The following MAP4K5 variants were observed in gnomAD, a reference collection of about 807,000 sequenced individuals.
The protein encoded by MAP4K5 is MAPK/ERK kinase kinase kinase 5.
A neutral mutation model predicts 135.6 loss-of-function variants in MAP4K5; 82 were observed. The observed-to-expected ratio is 0.60, with a 90% confidence interval of 0.51 to 0.73. The LOEUF (loss-of-function observed/expected upper bound fraction) is 0.73, where lower values mean the gene tolerates loss of function less well. MAP4K5 is among the 30% of genes least tolerant of loss of function. MAP4K5 has a pLI of 0.00. For synonymous variants in MAP4K5, 347 were observed against 335.0 expected (o/e 1.04, Z -0.39); for missense variants, 907 against 1,010.9 (o/e 0.90, Z 1.39).
At chr14:50,531,227 G>GT (rs1299407094) in intron 2 of MAP4K5, among the ~76,000 whole-genome samples, 1 of 152,182 alleles carries the variant, frequency 6.6e-6, no homozygotes. Context: ...TAAATTAGGT[G>GT]TAACTTACTC....
At chr14:50,433,826 C>T (rs941236712) in intron 28 of MAP4K5, among the ~76,000 whole-genome samples, 3 of 152,206 alleles carry the variant, frequency 2.0e-5, no homozygotes, top group Non-Finnish European at 2.9e-5. Flanking sequence ...GGCCCCACCT[C>T]ACCCACTTCA....
chr14:50,476,318 A>AT lies in MAP4K5; in HGVS notation c.379-13_379-12insA. On this transcript the variant is annotated splice_polypyrimidine_tract_variant and intron_variant, in intron 6 of 32. Transcript: ENST00000682126. ...AAATAGGCAAGACCCTAAAAGTTTA[A>AT]AAAAAAAAAAAAAGAATGTATCAGC... 1 of 992,468 alleles carries AT rather than the reference A, an allele frequency of 1.0e-6. No individual in the cohort carries two copies. Among genetic ancestry groups the AT allele is most frequent in the Non-Finnish European group, 1.3e-6 (1 of 750,222 alleles). 61.5% of individuals were successfully genotyped at this position (992,468 alleles called of 1,614,324 possible).
At chr14:50,438,701 C>G (rs746812377) in intron 23 of MAP4K5, among the ~76,000 whole-genome samples, 5 of 152,096 alleles carry the variant, frequency 3.3e-5, no homozygotes, top group Non-Finnish European at 7.4e-5. Flanking sequence ...TATACACACA[C>G]ATATACACAG....
intron 1 of MAP4K5, among the ~76,000 whole-genome samples, chr14:50,546,458 A>G (rs1462752296): frequency 6.6e-6 from 1 of 152,146 alleles, no homozygotes; most frequent in Non-Finnish European, 1.5e-5. Context: ...CTGACATGCT[A>G]CCAACTTGGC....
At chr14:50,516,266 C>T (rs928092556) in intron 2 of MAP4K5, among the ~76,000 whole-genome samples, 11 of 152,160 alleles carry the variant, frequency 7.2e-5, no homozygotes, top group Non-Finnish European at 4.4e-5. Context: ...GACAGTGGTC[C>T]CATTTACTGA....
intron 3 of MAP4K5, among the ~76,000 whole-genome samples, chr14:50,487,372 TATA>T (rs34487961): frequency 0.67 from 101,661 of 151,758 alleles, 35,935 homozygotes; most frequent in Middle Eastern, 0.81. Context: ...CACATTTATT[TATA>T]ATCATTGGAA....
intron 13 of MAP4K5, 92 bp from the exon 14 acceptor site, chr14:50,456,686 ATATC>A (rs1232215618): frequency 1.4e-6 from 1 of 740,104 alleles, no homozygotes. Flanking sequence ...ATAAATATGA[ATATC>A]TACTAGTAAA....
At chr14:50,513,721 A>G (rs2140057918) in intron 2 of MAP4K5, among the ~76,000 whole-genome samples, 1 of 152,322 alleles carries the variant, frequency 6.6e-6, no homozygotes, top group South Asian at 2.1e-4. Flanking sequence ...TACCCCAGAC[A>G]ACTTTCTCCC....
At chr14:50,481,477 A>G (rs1000396111) in intron 6 of MAP4K5, among the ~76,000 whole-genome samples, 2 of 152,070 alleles carry the variant, frequency 1.3e-5, no homozygotes, top group Non-Finnish European at 2.9e-5. Context: ...ATAGAGTATC[A>G]ATTTCTTTCT....
intron 22 of MAP4K5, 134 bp downstream of exon 22, chr14:50,440,228 G>A (rs2036194357): frequency 1.3e-6 from 1 of 778,102 alleles, no homozygotes; most frequent in Non-Finnish European, 2.0e-6. Context: ...AACATGCAAA[G>A]AGTACAATTT....
chr14:50,549,133 C>T (rs1595570878), intron 1 of MAP4K5, among the ~76,000 whole-genome samples: 2 of 152,030 alleles, frequency 1.3e-5, no homozygotes, highest in Admixed American at 6.6e-5. Context: ...AAGATGGCAA[C>T]GGAACCACCT....
At chr14:50,442,655 T>C (rs2036254565) in intron 21 of MAP4K5, 77 bp downstream of exon 21, 1 of 1,036,330 alleles carries the variant, frequency 9.6e-7, no homozygotes, top group Non-Finnish European at 1.4e-6. Context: ...AATAAACAAC[T>C]TCAAGTCACT....
chr14:50,453,091 G>C, intron 14 of MAP4K5, among the ~76,000 whole-genome samples: 1 of 145,198 alleles, frequency 6.9e-6, no homozygotes, highest in South Asian at 2.1e-4. Flanking sequence ...TCAGTCTGGA[G>C]AATGAGTCTA....
chr14:50,543,490 A>G (rs1207315571), intron 1 of MAP4K5, among the ~76,000 whole-genome samples: 1 of 152,236 alleles, frequency 6.6e-6, no homozygotes, highest in African/African-American at 2.4e-5. Context: ...ATCACCATGT[A>G]TCACAAATAT....
Position 50,448,825 on chromosome 14 carries a change from T to C in MAP4K5, c.1023A>G (p.Lys341=). 1 of 1,537,156 alleles carries C rather than the reference T, an allele frequency of 6.5e-7. No individual in the cohort carries two copies. The highest frequency in any genetic ancestry group is 8.9e-7 in the Non-Finnish European group (1 of 1,126,770). The change falls in exon 15 of 33, where the codon AAA becomes AAG. Residue 341 remains lysine (K), a synonymous_variant. Coordinates refer to ENST00000682126, the MANE Select transcript of MAP4K5 (RefSeq NM_006575.6). ...ERTASEINFD[K]LQFEPPLRKE... is the part of the protein sequence containing the mutation. ...TTCTCAGAGGAGGTTCAAATTGTAA[T>C]TTGTCAACTGCAAAATATATAACAG...
chr14:50,500,251 T>C (rs10137046), intron 3 of MAP4K5, among the ~76,000 whole-genome samples: 2,238 of 152,262 alleles, frequency 0.015, 43 homozygotes, highest in African/African-American at 0.051. Context: ...CGTATACATA[T>C]AAACAAACAA....
intron 2 of MAP4K5, among the ~76,000 whole-genome samples, chr14:50,513,238 T>G (rs1289229961): frequency 2.0e-5 from 3 of 152,324 alleles, no homozygotes; most frequent in Non-Finnish European, 4.4e-5. Context: ...TTAATTCATA[T>G]TTCCAAGTCA....
rs907200686 is a variant in MAP4K5 at position 50,560,419 on chromosome 14, C to G, written c.-180+621G>C. On this transcript the variant is annotated intron_variant, in intron 1 of 8. Transcript: ENST00000555216. Reference sequence around the variant, plus strand: ...GGTGCCTGCGTCCACGGCTGGGAGACGGGCCGTAGCCGAGCCGCTCCCTGT... The same window carrying G: ...GGTGCCTGCGTCCACGGCTGGGAGAGGGGCCGTAGCCGAGCCGCTCCCTGT... 7.5e-6 allele frequency: 10 copies of G among 1,326,432 alleles called. No homozygotes were observed. In the South Asian group the frequency reaches 9.0e-5, roughly 12 times the overall value. 82.2% of individuals were successfully genotyped at this position (1,326,432 alleles called of 1,614,324 possible). A position where few individuals can be genotyped will look rare whatever the true frequency, so the allele number is the denominator to read the frequency against.
At chr14:50,462,577 TAGACTC>T (rs570289938) in intron 13 of MAP4K5, 82 bp downstream of exon 13, 82 of 819,854 alleles carry the variant, frequency 1.0e-4, no homozygotes, top group Non-Finnish European at 1.6e-4. Context: ...AGTTAAAAGA[TAGACTC>T]AGAAAACAAA....
Sources: allele counts gnomAD v4.1 joint callset (sites outside exome capture counted in the v4.1 genomes callset), GRCh38; gene constraint gnomAD v4.1.1; transcripts MANE v1.5; gene names NCBI Gene and HGNC (gene_info 2026-07-23, HGNC 2026-07-21).